Variants in ZNF680 observed in about 807,000 individuals in gnomAD.
ZNF680 encodes zinc finger protein 680.
A neutral mutation model predicts 12.1 loss-of-function variants in ZNF680; 6 were observed. That is an observed-to-expected ratio of 0.49 (90% confidence interval 0.27 to 0.98). The LOEUF is 0.98. ZNF680 is among the 50% of genes least tolerant of loss of function. The pLI is 0.12. For synonymous variants in ZNF680, 170 were observed against 199.3 expected, an observed-to-expected ratio of 0.85 and a Z score of 1.24; for missense variants, 561 against 616.3, an observed-to-expected ratio of 0.91 and a Z score of 0.95.
chr7:64,543,063 C>A (rs930658569), intron 3 of ZNF680, among the ~76,000 whole-genome samples: 1 of 151,144 alleles, frequency 6.6e-6, no homozygotes, highest in Non-Finnish European at 1.5e-5. Flanking sequence ...GTTAAAGTGC[C>A]ATATTATCCA....
the ZNF680 span, among the ~76,000 whole-genome samples, chr7:64,503,998 A>G: frequency 6.6e-6 from 1 of 152,184 alleles, no homozygotes; most frequent in African/African-American, 2.4e-5. Flanking sequence ...CTTGTGGTAA[A>G]ATATTACTTT....
the ZNF680 span, among the ~76,000 whole-genome samples, chr7:64,508,167 C>T: frequency 1.0e-4 from 11 of 104,992 alleles, no homozygotes; most frequent in Non-Finnish European, 1.6e-4. Context: ...TTTTTTGAGA[C>T]AGAGTCTTGC....
At chr7:64,533,113 A>C (rs1785975115) in intron 3 of ZNF680, among the ~76,000 whole-genome samples, 1 of 152,242 alleles carries the variant, frequency 6.6e-6, no homozygotes, top group Non-Finnish European at 1.5e-5. Context: ...CTGGAACAAG[A>C]CAAGGATACC....
the ZNF680 span, among the ~76,000 whole-genome samples, chr7:64,510,013 C>T: frequency 7.7e-6 from 1 of 130,200 alleles, no homozygotes; most frequent in Admixed American, 8.7e-5. Flanking sequence ...CTCCTTTAAC[C>T]GTAAAACTCT....
chr7:64,508,978 C>T, the ZNF680 span, among the ~76,000 whole-genome samples: 2 of 152,016 alleles, frequency 1.3e-5, no homozygotes, highest in Admixed American at 6.6e-5. Context: ...CGTTTTGTCC[C>T]CAGTAATAGA....
At chr7:64,553,032 A>C (rs1787165906) in intron 1 of ZNF680, among the ~76,000 whole-genome samples, 1 of 151,876 alleles carries the variant, frequency 6.6e-6, no homozygotes, top group Non-Finnish European at 1.5e-5. Context: ...AGGATGAGGC[A>C]GGAGAATTGC....
chr7:64,546,051 G>C (rs1786769363), intron 1 of ZNF680, among the ~76,000 whole-genome samples: 2 of 152,128 alleles, frequency 1.3e-5, no homozygotes, highest in South Asian at 4.1e-4. Context: ...ATTTTTCTGA[G>C]ACCCTTGACT....
chr7:64,510,640 G>A, the ZNF680 span, among the ~76,000 whole-genome samples: 1 of 151,588 alleles, frequency 6.6e-6, no homozygotes, highest in African/African-American at 2.4e-5. Context: ...GCCGGGCGCG[G>A]TGGTTCACGC....
chr7:64,512,060 CA>C, the ZNF680 span, among the ~76,000 whole-genome samples: 216 of 112,290 alleles, frequency 1.9e-3, no homozygotes, highest in Middle Eastern at 5.0e-3. Flanking sequence ...ACTTGGTCTC[CA>C]AAAAAAAAAA....
At chr7:64,515,082 C>A (rs1236083888), downstream of ZNF680, among the ~76,000 whole-genome samples, 28 of 149,412 alleles carry the variant, frequency 1.9e-4, no homozygotes, top group East Asian at 4.1e-3. Flanking sequence ...ACAGACACAC[C>A]CACACACAAA....
the ZNF680 span, among the ~76,000 whole-genome samples, chr7:64,511,537 C>T: frequency 2.0e-5 from 3 of 151,832 alleles, no homozygotes; most frequent in Non-Finnish European, 2.9e-5. Flanking sequence ...TGGCCATCAC[C>T]GCCTCAAATA....
chr7:64,508,126 T>TGTGTATATATATTTATATATATATATAC, the ZNF680 span, among the ~76,000 whole-genome samples: 1 of 78,668 alleles, frequency 1.3e-5, no homozygotes, highest in African/African-American at 5.4e-5. Context: ...TTAAAATGTA[T>TGTGTATATATATTTATATATATATATAC]ATATATATAT....
chr7:64,504,576 A>T, the ZNF680 span, among the ~76,000 whole-genome samples: 1 of 152,194 alleles, frequency 6.6e-6, no homozygotes, highest in Admixed American at 6.5e-5. Context: ...TAGGATTCAT[A>T]CTTTTTATAA....
the ZNF680 span, among the ~76,000 whole-genome samples, chr7:64,507,147 T>C: frequency 6.6e-6 from 1 of 152,148 alleles, no homozygotes; most frequent in African/African-American, 2.4e-5. Flanking sequence ...TGAAACAAGA[T>C]AAATTTAGAA....
Position 64,563,040 on chromosome 7 carries a change from C to G in ZNF680, c.-86G>C. The stretch of plus-strand genomic sequence containing the variant: ...AGCAGAATACACAGAGCAGTAAAGA[C>G]TAGACCTGGAGCTCCCGCAGCAGCT... On this transcript the variant is annotated 5_prime_UTR_variant, in exon 1 of 4. Coordinates refer to ENST00000309683, the MANE Select transcript of ZNF680 (RefSeq NM_178558.5). The G allele has an allele frequency of 1.3e-6, 2 of 1,515,812 alleles. No individual in the cohort carries two copies. The highest frequency in any genetic ancestry group is 1.7e-5 in the Admixed American group (1 of 57,296). 93.9% of individuals were successfully genotyped at this position (1,515,812 alleles called of 1,614,324 possible).
chr7:64,518,033 A>G (rs1228631454), downstream of ZNF680, among the ~76,000 whole-genome samples: 2 of 152,092 alleles, frequency 1.3e-5, no homozygotes, highest in Non-Finnish European at 2.9e-5. Context: ...CAACACCAGG[A>G]TGTGTACTTT....
At chr7:64,509,802 GCACC>G in the ZNF680 span, among the ~76,000 whole-genome samples, 1 of 152,030 alleles carries the variant, frequency 6.6e-6, no homozygotes, top group Non-Finnish European at 1.5e-5. Flanking sequence ...CCATGTTGCA[GCACC>G]TATCATGGTA....
At chr7:64,509,645 C>T in the ZNF680 span, among the ~76,000 whole-genome samples, 1 of 152,112 alleles carries the variant, frequency 6.6e-6, no homozygotes, top group African/African-American at 2.4e-5. Flanking sequence ...ATACTTTCTT[C>T]CAACATCTGG....
At chr7:64,519,227 CAT>C (rs1169194152), downstream of ZNF680, among the ~76,000 whole-genome samples, 1 of 151,860 alleles carries the variant, frequency 6.6e-6, no homozygotes, top group African/African-American at 2.4e-5. Context: ...GGCCAAGAAA[CAT>C]ATGGAAACTT....
Sources: allele counts gnomAD v4.1 joint callset (sites outside exome capture counted in the v4.1 genomes callset), GRCh38; gene constraint gnomAD v4.1.1; transcripts MANE v1.5; gene names NCBI Gene and HGNC (gene_info 2026-07-23, HGNC 2026-07-21).